FAM13A: variants seen among roughly 807,000 people sequenced by gnomAD.
FAM13A encodes protein FAM13A.
In FAM13A, 76 loss-of-function variants were observed where a neutral mutation model predicts 129.6. That is an observed-to-expected ratio of 0.59 (90% CI 0.49 to 0.71). FAM13A has a LOEUF of 0.71. Ranked by LOEUF, FAM13A falls within the 30% of genes least tolerant of loss-of-function variation. The probability of loss-of-function intolerance (pLI) is 0.00; values close to 1 mark genes in which losing one functional copy is unlikely to be tolerated. For synonymous variants in FAM13A, 443 were observed against 449.9 expected (o/e 0.98, Z 0.20); for missense variants, 1,108 against 1,249.3 (o/e 0.89, Z 1.70).
At chr4:88,986,292 C>T (rs1402217561) in intron 4 of FAM13A, among the ~76,000 whole-genome samples, 1 of 152,134 alleles carries the variant, frequency 6.6e-6, no homozygotes, top group Non-Finnish European at 1.5e-5. Context: ...TGCCACCACA[C>T]CTGGCTAATT....
chr4:88,913,025 A>G (rs74524980), intron 5 of FAM13A, among the ~76,000 whole-genome samples: 7 of 82,736 alleles, frequency 8.5e-5, no homozygotes, highest in Non-Finnish European at 1.2e-4. Flanking sequence ...AGGAGGAGGA[A>G]GAAGAAGAAG....
intron 4 of FAM13A, among the ~76,000 whole-genome samples, chr4:88,948,989 T>C (rs978097968): frequency 6.6e-6 from 1 of 152,240 alleles, no homozygotes; most frequent in Non-Finnish European, 1.5e-5. Flanking sequence ...TAAACATTTA[T>C]TCACTGTAAG....
chr4:88,849,129 T>C (rs904740466), intron 7 of FAM13A, among the ~76,000 whole-genome samples: 5 of 152,252 alleles, frequency 3.3e-5, no homozygotes, highest in African/African-American at 9.6e-5. Flanking sequence ...TAGTACATAA[T>C]AGGCATGTAG....
chr4:88,854,528 C>T (rs1738164233), intron 6 of FAM13A, among the ~76,000 whole-genome samples: 1 of 152,212 alleles, frequency 6.6e-6, no homozygotes, highest in Non-Finnish European at 1.5e-5. Context: ...CACTTTGCTT[C>T]TTTCTTTTAC....
intron 13 of FAM13A, among the ~76,000 whole-genome samples, chr4:88,761,864 T>A (rs1269891698): frequency 3.9e-5 from 6 of 152,180 alleles, no homozygotes; most frequent in Non-Finnish European, 5.9e-5. Context: ...TAGATGTTTT[T>A]TTCACACACT....
intron 7 of FAM13A, among the ~76,000 whole-genome samples, chr4:88,845,361 T>C (rs1471587565): frequency 1.3e-5 from 2 of 152,090 alleles, no homozygotes; most frequent in African/African-American, 2.4e-5. Context: ...ACTGGAGAAC[T>C]AGGACTGAGC....
At chr4:88,999,424 C>G (rs929694392) in intron 3 of FAM13A, among the ~76,000 whole-genome samples, 1 of 152,136 alleles carries the variant, frequency 6.6e-6, no homozygotes, top group Non-Finnish European at 1.5e-5. Flanking sequence ...AAAAAACAAA[C>G]AGCATATAGG....
At chr4:88,831,992 C>T (rs1272359023) in intron 7 of FAM13A, among the ~76,000 whole-genome samples, 1 of 152,064 alleles carries the variant, frequency 6.6e-6, no homozygotes, top group Non-Finnish European at 1.5e-5. Context: ...GTTTATACTA[C>T]AAGGCTGCAG....
In FAM13A at chr4:88,917,227, G is replaced by A. The variant is rs575071334; in HGVS notation, c.760-10765C>T. ...GGCATCTGCATATGGTGAGTGCCTC[G>A]TGAAGGAAGGCAAAAGGGAGCCAAC... On this transcript the variant is annotated intron_variant, in intron 5 of 23. Coordinates refer to ENST00000264344, the MANE Select transcript of FAM13A (RefSeq NM_014883.4). Among the ~76,000 whole-genome samples, 4 of 152,298 alleles carry A rather than the reference G, an allele frequency of 2.6e-5. No individual in the cohort carries two copies. In the South Asian group the frequency reaches 6.2e-4, roughly 24 times the overall value.
intron 6 of FAM13A, among the ~76,000 whole-genome samples, chr4:88,893,642 G>GAATAAATAAATAAATAAATA (rs55794702): frequency 1.6e-5 from 2 of 126,188 alleles, no homozygotes; most frequent in African/African-American, 6.1e-5. Flanking sequence ...ATGAATGAAT[G>GAATAAATAAATAAATAAATA]AATAAATAAA....
At chr4:88,980,563 A>G (rs1246802391) in intron 4 of FAM13A, among the ~76,000 whole-genome samples, 1 of 133,200 alleles carries the variant, frequency 7.5e-6, no homozygotes, top group East Asian at 2.1e-4. Context: ...TTCCAAAATC[A>G]TATTTATAGA....
intron 11 of FAM13A, among the ~76,000 whole-genome samples, chr4:88,770,250 A>G (rs977671775): frequency 1.3e-5 from 2 of 152,350 alleles, no homozygotes; most frequent in South Asian, 4.1e-4. Context: ...AATTGCTCTT[A>G]TTACCTGAAT....
intron 4 of FAM13A, among the ~76,000 whole-genome samples, chr4:88,975,141 C>T (rs754472065): frequency 6.6e-6 from 1 of 152,106 alleles, no homozygotes; most frequent in African/African-American, 2.4e-5. Context: ...ATTCACATAT[C>T]ACCTAGTAGA....
At position 88,938,101 on chromosome 4, in the gene FAM13A, A is replaced by G. The variant is rs752438241; in HGVS notation, c.746T>C (p.Leu249Pro). The G allele has an allele frequency of 1.2e-6, 2 of 1,613,202 alleles. No individual in the cohort carries two copies. The highest frequency in any genetic ancestry group is 2.7e-5 in the African/African-American group (2 of 74,890). The change falls in exon 5 of 24, where the codon CTT (leucine) becomes CCT (proline). Residue 249 changes from leucine to proline, a missense_variant. Leu to Pro is a moderately conservative substitution (Grantham distance 98, BLOSUM62 -3). Around this residue, in one of 3 missense-constraint regions of FAM13A, gnomAD observed 566 missense variants for 595.7 expected, o/e 0.95. Coordinates refer to ENST00000264344, the MANE Select transcript of FAM13A (RefSeq NM_014883.4). ...CAAGTTGCTTACTTTTACTATGATA[A>G]GCCTAGCCAGGTTTTCACATCTCAG... ...DHLRCENLAR[L>P]IIVKEVYYKN...
intron 19 of FAM13A, among the ~76,000 whole-genome samples, chr4:88,741,149 A>C (rs999492401): frequency 2.0e-5 from 3 of 152,230 alleles, no homozygotes; most frequent in African/African-American, 7.2e-5. Flanking sequence ...TTCCACTCTT[A>C]AGTATATACC....
intron 4 of FAM13A, among the ~76,000 whole-genome samples, chr4:88,971,555 A>G (rs1385879875): frequency 3.3e-5 from 5 of 152,182 alleles, no homozygotes; most frequent in South Asian, 2.1e-4. Flanking sequence ...CACCCAGGCT[A>G]GCATGCAGTG....
chr4:88,896,890 C>T (rs1246986739), intron 6 of FAM13A, among the ~76,000 whole-genome samples: 1 of 152,044 alleles, frequency 6.6e-6, no homozygotes, highest in Non-Finnish European at 1.5e-5. Flanking sequence ...TATTTTATAC[C>T]TTCATACTAG....
At chr4:89,038,666 TA>T (rs898467163) in intron 1 of FAM13A, among the ~76,000 whole-genome samples, 7 of 152,276 alleles carry the variant, frequency 4.6e-5, no homozygotes, top group African/African-American at 1.7e-4. Context: ...CATAGTGTAT[TA>T]AAAATCTCTG....
intron 1 of FAM13A, among the ~76,000 whole-genome samples, chr4:89,039,622 TGTGG>T (rs952924018): frequency 6.6e-6 from 1 of 151,990 alleles, no homozygotes; most frequent in Non-Finnish European, 1.5e-5. Flanking sequence ...TTAGGCCAGG[TGTGG>T]TGGCTCATGC....
Sources: allele counts gnomAD v4.1 joint callset (sites outside exome capture counted in the v4.1 genomes callset), GRCh38; gene constraint gnomAD v4.1.1; regional missense constraint gnomAD v4.1.1; transcripts MANE v1.5; gene names NCBI Gene and HGNC (gene_info 2026-07-23, HGNC 2026-07-21).